Variants in IPO8 observed in about 807,000 individuals in gnomAD.
IPO8 encodes the protein importin 8.
IPO8 carries 65 observed loss-of-function variants against 141.2 expected under a neutral mutation model. The observed-to-expected ratio is 0.46, with a 90% CI of 0.38 to 0.57. The LOEUF is 0.57. Among genes scored for constraint, IPO8 ranks in the 20% least tolerant of loss-of-function variants. The pLI is 0.00. For synonymous variants in IPO8, 411 were observed against 420.3 expected (o/e 0.98, Z 0.27); for missense variants, 980 against 1,246.8 (o/e 0.79, Z 3.22).
intron 17 of IPO8, 136 bp downstream of exon 17, chr12:30,656,547 AT>A (rs1391575225): frequency 1.9e-6 from 1 of 512,918 alleles, no homozygotes; most frequent in Non-Finnish European, 3.5e-6. Flanking sequence ...TAGAAAGGAC[AT>A]CCAAAAATTG....
chr12:30,681,125 C>G (rs2053184961), intron 4 of IPO8, among the ~76,000 whole-genome samples: 2 of 152,062 alleles, frequency 1.3e-5, no homozygotes, highest in South Asian at 4.1e-4. Context: ...ATTTCATAAG[C>G]AGAGTAGGAA....
chr12:30,694,008 A>C (rs1353263842), intron 1 of IPO8, among the ~76,000 whole-genome samples: 7 of 152,140 alleles, frequency 4.6e-5, no homozygotes, highest in Non-Finnish European at 1.5e-5. Flanking sequence ...TATAACATCA[A>C]CTGTACTTAT....
chr12:30,656,651 C>G, intron 17 of IPO8, 33 bp downstream of exon 17: 1 of 1,357,874 alleles, frequency 7.4e-7, no homozygotes, highest in Admixed American at 2.2e-5. Flanking sequence ...AAAATTTTTT[C>G]AATTTATCTT....
intron 14 of IPO8, among the ~76,000 whole-genome samples, chr12:30,663,198 C>T (rs2052913182): frequency 1.3e-5 from 2 of 152,122 alleles, no homozygotes; most frequent in Non-Finnish European, 2.9e-5. Flanking sequence ...CACACCTTGC[C>T]CAGGTTTCCA....
chr12:30,692,592 T>C (rs1441635343), intron 1 of IPO8, among the ~76,000 whole-genome samples: 1 of 152,220 alleles, frequency 6.6e-6, no homozygotes, highest in Non-Finnish European at 1.5e-5. Flanking sequence ...TTTGCTTAAC[T>C]AAATTCTGCA....
chr12:30,690,440 C>T lies in IPO8; in HGVS notation c.166+56G>A, dbSNP rs193083607. The T allele has an allele frequency of 6.1e-6, 6 of 975,868 alleles. No individual in the cohort carries two copies. In the Admixed American group the frequency reaches 9.6e-5, roughly 16 times the overall value. The allele number at this position is 975,868 out of a possible 1,614,324, so 60.5% of individuals were successfully genotyped here. On this transcript the variant is annotated intron_variant, in intron 2 of 24. Transcript: ENST00000256079. Reference sequence around the variant, plus strand: ...ACAGATATGTAAAATTAAAATAAAACTCTCATTCTACTCTCACCTATAAAT... The same window carrying T: ...ACAGATATGTAAAATTAAAATAAAATTCTCATTCTACTCTCACCTATAAAT...
chr12:30,673,542 A>C (rs1338652012), intron 8 of IPO8, among the ~76,000 whole-genome samples: 1 of 152,248 alleles, frequency 6.6e-6, no homozygotes, highest in African/African-American at 2.4e-5. Context: ...AGAAATGTTT[A>C]AGTTCTCAGC....
In IPO8 at chr12:30,649,022, G is replaced by A. The variant is rs983330833; in HGVS notation, c.2268+115C>T. The stretch of plus-strand genomic sequence containing the variant: ...ATTTAAACAGAATTTGCACCAGAAA[G>A]CACAATCTATAGGCTGTCCTTTCCA... On this transcript the variant is annotated intron_variant, in intron 20 of 24. Coordinates refer to ENST00000256079, the MANE Select transcript of IPO8 (RefSeq NM_006390.4). The A allele has an allele frequency of 4.8e-6, 3 of 622,922 alleles. No individual in the cohort carries two copies. The African/African-American group carries it at 5.6e-5, about 12-fold the overall frequency. The allele number at this position is 622,922 out of a possible 1,614,324, so 38.6% of individuals were successfully genotyped here.
intron 4 of IPO8, 75 bp downstream of exon 4, chr12:30,681,584 C>T: frequency 7.1e-7 from 1 of 1,399,892 alleles, no homozygotes; most frequent in Non-Finnish European, 9.9e-7. Flanking sequence ...ACATCCACAA[C>T]AGACCACTCT....
chr12:30,663,711 A>T (rs1487253615), intron 13 of IPO8, 57 bp from the exon 14 acceptor site: 56 of 1,268,282 alleles, frequency 4.4e-5, no homozygotes, highest in Non-Finnish European at 5.7e-5. Context: ...TTCTGTAATA[A>T]TATCACAGAT....
chr12:30,630,696 G>A lies in IPO8; in HGVS notation c.*164C>T, dbSNP rs1397453108. 2.0e-5 allele frequency: 12 copies of A among 589,470 alleles called. No individual in the cohort carries two copies. Among genetic ancestry groups the A allele is most frequent in the Non-Finnish European group, 3.3e-5 (11 of 331,402 alleles). 36.5% of individuals were successfully genotyped at this position (589,470 alleles called of 1,614,324 possible). A position where few individuals can be genotyped will look rare whatever the true frequency, so the allele number is the denominator to read the frequency against. ...AAAATATATATTTCAGGGTGACAAA[G>A]GTCAAAGGGGAAAGAGTAGATAAAA... is the stretch of plus-strand genomic sequence containing the variant. On this transcript the variant is annotated 3_prime_UTR_variant, in exon 25 of 25. Coordinates refer to ENST00000256079, the MANE Select transcript of IPO8 (RefSeq NM_006390.4).
At chr12:30,662,257 C>T (rs1167839530) in intron 15 of IPO8, 70 bp downstream of exon 15, 9 of 1,255,988 alleles carry the variant, frequency 7.2e-6, no homozygotes, top group Non-Finnish European at 1.0e-5. Context: ...AACTGAACTC[C>T]ATATTTTGGA....
chr12:30,677,289 G>GT, intron 5 of IPO8: 1 of 374,342 alleles, frequency 2.7e-6, no homozygotes, highest in Admixed American at 3.4e-5. Flanking sequence ...TTATCGCCTA[G>GT]TGACATAGTA....
In IPO8 at chr12:30,639,672, G is replaced by T; in HGVS notation, c.2332C>A (p.Leu778Ile). 2 of 1,614,106 alleles carry T rather than the reference G, an allele frequency of 1.2e-6. No individual in the cohort carries two copies. Among genetic ancestry groups the T allele is most frequent in the Non-Finnish European group, 1.7e-6 (2 of 1,180,010 alleles). Residue 778 changes from leucine to isoleucine, a missense_variant, in exon 21 of 25, where the codon CTT becomes ATT. Leu to Ile is a conservative substitution (Grantham distance 5). This residue lies in a region of IPO8 where 924 missense variants were observed against 1,153.9 expected (regional missense o/e 0.80). Coordinates refer to ENST00000256079, the MANE Select transcript of IPO8 (RefSeq NM_006390.4). ...RLTRGVKTSE[L>I]RTMCLQVAIA... is the part of the protein sequence containing the mutation. ...GCAACCTGAAGACACATAGTACGAA[G>T]CTCACTAGTTTTGACCCCTCGAGTT...
chr12:30,659,747 C>T (rs552435873), intron 16 of IPO8, among the ~76,000 whole-genome samples: 260 of 150,888 alleles, frequency 1.7e-3, no homozygotes, highest in African/African-American at 6.0e-3. Context: ...TCCAGCTACT[C>T]GGGAGGCTGA....
chr12:30,636,691 C>T (rs2052506424), intron 22 of IPO8, among the ~76,000 whole-genome samples: 1 of 152,002 alleles, frequency 6.6e-6, no homozygotes, highest in Non-Finnish European at 1.5e-5. Context: ...TGCTAACTTA[C>T]AGTCAAGACC....
chr12:30,674,829 T>A (rs1269419856), intron 6 of IPO8, 76 bp from the exon 7 acceptor site: 8 of 943,390 alleles, frequency 8.5e-6, no homozygotes, highest in Non-Finnish European at 1.2e-5. Flanking sequence ...GCAAGATAAA[T>A]CTTGATATAG....
chr12:30,632,775 A>T (rs997531039), intron 23 of IPO8, among the ~76,000 whole-genome samples: 5 of 152,178 alleles, frequency 3.3e-5, no homozygotes, highest in Non-Finnish European at 7.3e-5. Context: ...ACTCCCCTGA[A>T]GTGAATTACC....
rs762035678 is a variant in IPO8 at position 30,639,721 on chromosome 12, G to T, written c.2283C>A (p.Phe761Leu). 21 of 1,613,666 alleles carry T rather than the reference G, an allele frequency of 1.3e-5. No homozygotes were observed. The highest frequency in any genetic ancestry group is 1.8e-5 in the Non-Finnish European group (21 of 1,179,840). ...GRGIDQCIPL[F>L]VQLVLERLTR... is the part of the protein sequence containing the mutation. ...TTAATCTCTCCAAAACAAGTTGAAC[G>T]AAGAGTGGAATGCACTAGAAGACAA... is the stretch of plus-strand genomic sequence containing the variant. Residue 761 changes from phenylalanine to leucine, a missense_variant, in exon 21 of 25, where the codon TTC becomes TTA. Physicochemically the swap from Phe to Leu is conservative, Grantham distance 22. Transcript: ENST00000256079.
Sources: allele counts gnomAD v4.1 joint callset (sites outside exome capture counted in the v4.1 genomes callset), GRCh38; gene constraint gnomAD v4.1.1; regional missense constraint gnomAD v4.1.1; transcripts MANE v1.5; gene names NCBI Gene and HGNC (gene_info 2026-07-23, HGNC 2026-07-21).